The following IRF4 variants were observed in gnomAD, a reference collection of about 807,000 sequenced individuals.
IRF4 encodes the protein lymphocyte-specific interferon regulatory factor.
In IRF4, 13 loss-of-function variants were observed where a neutral mutation model predicts 55.5. The ratio of observed to expected loss-of-function variants is 0.23; its 90% confidence interval spans 0.15 to 0.37. The LOEUF is 0.37. IRF4 is among the 10% of genes least tolerant of loss of function. The probability of loss-of-function intolerance (pLI) is 1.00; values close to 1 mark genes in which losing one functional copy is unlikely to be tolerated. For synonymous variants in IRF4, 249 were observed against 240.7 expected (o/e 1.03, Z -0.32); for missense variants, 397 against 593.8 (o/e 0.67, Z 3.44).
intron 4 of IRF4, 58 bp downstream of exon 4, chr6:395,993 A>G (rs978687745): frequency 2.2e-6 from 3 of 1,380,704 alleles, no homozygotes; most frequent in Non-Finnish European, 2.0e-6. Flanking sequence ...AGCTGCCCAC[A>G]TGGCCAGAGA....
Position 397,211 on chromosome 6 carries a change from G to T in IRF4, c.596G>T (p.Gly199Val). Residue 199 changes from glycine (G) to valine (V), a missense_variant, in exon 5 of 9, where the codon GGA (glycine) becomes GTA (valine). By Grantham distance (109) the Gly-to-Val change is moderately radical. Around this residue, in one of 3 missense-constraint regions of IRF4, gnomAD observed 341 missense variants for 548.1 expected, o/e 0.62. Coordinates refer to ENST00000380956, the MANE Select transcript of IRF4 (RefSeq NM_002460.4). Reference protein sequence around the residue: ...EIPYQCPMTFGPRGHHWQGPA... With the variant: ...EIPYQCPMTFVPRGHHWQGPA... ...CCGTACCAATGTCCCATGACGTTTG[G>T]ACCCCGCGGCCACCACTGGCAAGGC... 6.2e-7 allele frequency: 1 copy of T among 1,614,252 alleles called. No individual in the cohort carries two copies. The highest frequency in any genetic ancestry group is 8.5e-7 in the Non-Finnish European group (1 of 1,180,054).
chr6:409,647 T>G lies in IRF4; in HGVS notation c.*2049T>G, dbSNP rs1293252291. ...GACTGTGTTTCGTGAACTGCAGTGATGTATACATCTTATAGATGCAAAGTA... is the reference window on the plus strand; with the variant it reads ...GACTGTGTTTCGTGAACTGCAGTGAGGTATACATCTTATAGATGCAAAGTA... On this transcript the variant is annotated 3_prime_UTR_variant, in exon 9 of 9. Coordinates refer to ENST00000380956, the MANE Select transcript of IRF4 (RefSeq NM_002460.4). The G allele has an allele frequency of 2.3e-5, 5 of 222,142 alleles. No individual in the cohort carries two copies. In the East Asian group the frequency reaches 2.6e-4, roughly 11 times the overall value. The allele number at this position is 222,142 out of a possible 1,614,324, so 13.8% of individuals were successfully genotyped here.
rs2316514 is a variant in IRF4, at chr6:410,826, C to G, written c.*3228C>G. 85 of 232,494 alleles carry G rather than the reference C, an allele frequency of 3.7e-4. 1 individual carries two copies. The highest frequency in any genetic ancestry group is 1.7e-3 in the African/African-American group (78 of 45,414). The allele number at this position is 232,494 out of a possible 1,614,324, so 14.4% of individuals were successfully genotyped here. On this transcript the variant is annotated 3_prime_UTR_variant, in exon 9 of 9. Transcript: ENST00000380956. ...TCTTTATTTGTATTACGTATCTCCCCAAGTCCTCTGTGGCCAGCTGCATCT... is the reference window on the plus strand; with the variant it reads ...TCTTTATTTGTATTACGTATCTCCCGAAGTCCTCTGTGGCCAGCTGCATCT...
At chr6:395,150 T>A in intron 3 of IRF4, 143 bp downstream of exon 3, 1 of 643,208 alleles carries the variant, frequency 1.6e-6, no homozygotes, top group Non-Finnish European at 2.6e-6. Flanking sequence ...AAGCCCAGCC[T>A]CCTTGCCTGA....
Position 393,509 on chromosome 6 carries a change from GC to G in IRF4, c.216+143del. The G allele has an allele frequency of 1.9e-6, 1 of 538,656 alleles. No individual in the cohort carries two copies. Among genetic ancestry groups the G allele is most frequent in the Non-Finnish European group, 2.8e-6 (1 of 353,058 alleles). 33.4% of individuals were successfully genotyped at this position (538,656 alleles called of 1,614,324 possible). A position where few individuals can be genotyped will look rare whatever the true frequency, so the allele number is the denominator to read the frequency against. ...GGCGGCGGAGGCATCAGGTGGCGTC[GC>G]CGGAGCCGCAGGAGGAGGAAAGGAG... On this transcript the variant is annotated intron_variant, in intron 2 of 8. Coordinates refer to ENST00000380956, the MANE Select transcript of IRF4 (RefSeq NM_002460.4). The surrounding 1 kb of genome is among the most constrained non-coding windows in gnomAD (Gnocchi z 5.4).
chr6:401,049 C>T (rs1289974059), intron 6 of IRF4, among the ~76,000 whole-genome samples: 1 of 152,118 alleles, frequency 6.6e-6, no homozygotes, highest in Non-Finnish European at 1.5e-5. Context: ...TAAGACTTAG[C>T]AAGTTCTTAA....
At chr6:392,988 C>T in intron 1 of IRF4, 110 bp from the exon 2 acceptor site, 2 of 618,244 alleles carry the variant, frequency 3.2e-6, no homozygotes, top group Middle Eastern at 4.4e-4. Flanking sequence ...CACGCGCGCG[C>T]TTCGCAGCCT....
rs1386827584 is a variant in IRF4, at chr6:408,422, C to G, written c.*824C>G. 1 of 230,536 alleles carries G rather than the reference C, an allele frequency of 4.3e-6. No homozygotes were observed. The highest frequency in any genetic ancestry group is 6.1e-5 in the East Asian group (1 of 16,410). 14.3% of individuals were successfully genotyped at this position (230,536 alleles called of 1,614,324 possible). A position where few individuals can be genotyped will look rare whatever the true frequency, so the allele number is the denominator to read the frequency against. ...ATTGGCTTTCTCTCCTTGGCCTTTCCTGGAAGCCAGTTAGTAAACTTCCTA... is the reference window on the plus strand; with the variant it reads ...ATTGGCTTTCTCTCCTTGGCCTTTCGTGGAAGCCAGTTAGTAAACTTCCTA... On this transcript the variant is annotated 3_prime_UTR_variant, in exon 9 of 9. Transcript: ENST00000380956.
At position 407,558 on chromosome 6, in the gene IRF4, A is replaced by T; in HGVS notation, c.1316A>T (p.Asp439Val). ...CCAGAACACATCAGCAATCCAGAAG[A>T]TTACCACAGATCTATCCGCCATTCC... Reference protein sequence around the residue: ...DLPEHISNPEDYHRSIRHSSI... With the variant: ...DLPEHISNPEVYHRSIRHSSI... Residue 439 changes from aspartate (D) to valine (V), a missense_variant, in exon 9 of 9, where the codon GAT becomes GTT. Physicochemically the swap from Asp to Val is radical, Grantham distance 152 (BLOSUM62 -3). Coordinates refer to ENST00000380956, the MANE Select transcript of IRF4 (RefSeq NM_002460.4). 1 of 1,612,688 alleles carries T rather than the reference A, an allele frequency of 6.2e-7. No individual in the cohort carries two copies. Among genetic ancestry groups the T allele is most frequent in the South Asian group, 1.1e-5 (1 of 90,556 alleles).
Position 393,430 on chromosome 6 carries a change from T to C in IRF4, c.216+62T>C, listed in dbSNP as rs994946015. ...GAGGGCCCAGAGACAGAGCCCGGGGTCCCCGGCGCCGCCTCCGAGGCGAGC... is the reference window on the plus strand; with the variant it reads ...GAGGGCCCAGAGACAGAGCCCGGGGCCCCCGGCGCCGCCTCCGAGGCGAGC... On this transcript the variant is annotated intron_variant, in intron 2 of 8. Coordinates refer to ENST00000380956, the MANE Select transcript of IRF4 (RefSeq NM_002460.4). The surrounding 1 kb of genome is among the most constrained non-coding windows in gnomAD (Gnocchi z 5.4). 866 of 382,164 alleles carry C rather than the reference T, an allele frequency of 2.3e-3. No individual in the cohort carries two copies. Among genetic ancestry groups the C allele is most frequent in the Non-Finnish European group, 3.6e-3 (778 of 219,024 alleles). 23.7% of individuals were successfully genotyped at this position (382,164 alleles called of 1,614,324 possible). A position where few individuals can be genotyped will look rare whatever the true frequency, so the allele number is the denominator to read the frequency against.
intron 8 of IRF4, 24 bp downstream of exon 8, chr6:405,154 C>A (rs1033533102): frequency 3.2e-6 from 4 of 1,253,642 alleles, no homozygotes; most frequent in Non-Finnish European, 2.3e-6. Context: ...TACACTCCTA[C>A]CATAGTGGCT....
Position 401,875 on chromosome 6 carries a change from T to C in IRF4, c.1099+98T>C. The C allele has an allele frequency of 3.7e-6, 4 of 1,086,136 alleles. No individual in the cohort carries two copies. In the South Asian group the frequency reaches 5.9e-5, roughly 16 times the overall value. 67.3% of individuals were successfully genotyped at this position (1,086,136 alleles called of 1,614,324 possible). A position where few individuals can be genotyped will look rare whatever the true frequency, so the allele number is the denominator to read the frequency against. On this transcript the variant is annotated intron_variant, in intron 7 of 8. Coordinates refer to ENST00000380956, the MANE Select transcript of IRF4 (RefSeq NM_002460.4). ...GTCCCTCCCACCCCAGGCTGAGGTCTTCCTCCTGTTGACTTCGGCGCCCAC... is the reference window on the plus strand; with the variant it reads ...GTCCCTCCCACCCCAGGCTGAGGTCCTCCTCCTGTTGACTTCGGCGCCCAC...
intron 5 of IRF4, 36 bp from the exon 6 acceptor site, chr6:398,792 G>A (rs367997652): frequency 4.6e-6 from 7 of 1,529,162 alleles, no homozygotes; most frequent in African/African-American, 1.4e-5. Flanking sequence ...CGGACTCTCT[G>A]TCTAGACATC....
intron 7 of IRF4, 141 bp downstream of exon 7, chr6:401,918 T>G (rs1761413162): frequency 1.5e-6 from 1 of 664,654 alleles, no homozygotes; most frequent in African/African-American, 1.8e-5. Context: ...GGGGCTTGAC[T>G]CCAGTAGAGA....
chr6:395,108 T>C, intron 3 of IRF4, 101 bp downstream of exon 3: 1 of 916,144 alleles, frequency 1.1e-6, no homozygotes, highest in East Asian at 2.7e-5. Flanking sequence ...TCCTTTTGTA[T>C]TGCCTGCCTG....
rs1018440075 is a variant in IRF4 at position 411,384 on chromosome 6, A to C, written c.*3786A>C. 1 of 203,856 alleles carries C rather than the reference A, an allele frequency of 4.9e-6. No homozygotes were observed. The highest frequency in any genetic ancestry group is 2.3e-5 in the African/African-American group (1 of 43,676). 12.6% of individuals were successfully genotyped at this position (203,856 alleles called of 1,614,324 possible). ...TTTATGTAAATTGCTCTGCAAAGCA[A>C]ATTGATATGTTTGATAAATTTATGT... On this transcript the variant is annotated 3_prime_UTR_variant, in exon 9 of 9. Transcript: ENST00000380956.
chr6:407,031 C>A, intron 8 of IRF4: 1 of 446,074 alleles, frequency 2.2e-6, no homozygotes, highest in Non-Finnish European at 3.0e-6. Context: ...GAGAACTATA[C>A]AGATTACCTA....
rs750519743 is a variant in IRF4 at position 408,596 on chromosome 6, TAAA to T, written c.*999_*1001del. ...TTTAGAGATGCTAAAATTCTTCGCA[TAAA>T]GAAGAAGAAATTAAGGAACATAAAT... On this transcript the variant is annotated 3_prime_UTR_variant, in exon 9 of 9. Transcript: ENST00000380956. The T allele has an allele frequency of 7.5e-4, 173 of 229,516 alleles. 2 individuals carry two copies. Among genetic ancestry groups the T allele is most frequent in the Non-Finnish European group, 1.1e-4 (13 of 115,710 alleles). The allele number at this position is 229,516 out of a possible 1,614,324, so 14.2% of individuals were successfully genotyped here.
chr6:397,244 G>A lies in IRF4; in HGVS notation c.629G>A (p.Cys210Tyr). 1 of 1,614,242 alleles carries A rather than the reference G, an allele frequency of 6.2e-7. No individual in the cohort carries two copies. The highest frequency in any genetic ancestry group is 8.5e-7 in the Non-Finnish European group (1 of 1,180,036). ...PRGHHWQGPA[C>Y]ENGCQVTGTF... Reference sequence around the variant, plus strand: ...GGCCACCACTGGCAAGGCCCAGCTTGTGAAAATGGTAAGGAGGATACCAGT... The same window carrying A: ...GGCCACCACTGGCAAGGCCCAGCTTATGAAAATGGTAAGGAGGATACCAGT... Residue 210 changes from cysteine to tyrosine, a missense_variant, in exon 5 of 9, where the codon TGT becomes TAT. By Grantham distance (194) the Cys-to-Tyr change is radical. Around this residue, in one of 3 missense-constraint regions of IRF4, gnomAD observed 341 missense variants for 548.1 expected, o/e 0.62. Coordinates refer to ENST00000380956, the MANE Select transcript of IRF4 (RefSeq NM_002460.4).
Sources: allele counts gnomAD v4.1 joint callset (sites outside exome capture counted in the v4.1 genomes callset), GRCh38; gene constraint gnomAD v4.1.1; regional missense constraint gnomAD v4.1.1; non-coding constraint Gnocchi (gnomAD v3.1); transcripts MANE v1.5; gene names NCBI Gene and HGNC (gene_info 2026-07-23, HGNC 2026-07-21).